The following GPI variants were observed in gnomAD, a reference collection of about 807,000 sequenced individuals.
GPI encodes the protein D-hexose-6-phosphate anomerase.
Under a neutral mutation model 75.8 loss-of-function variants are expected in GPI, and 56 were observed. The ratio of observed to expected loss-of-function variants is 0.74; its 90% confidence interval spans 0.60 to 0.92. GPI has a LOEUF of 0.92. GPI is among the 40% of genes least tolerant of loss of function. The pLI, the probability that GPI is intolerant of heterozygous loss-of-function variation, is 0.00. For synonymous variants in GPI, 288 were observed against 285.4 expected (o/e 1.01, Z -0.09); for missense variants, 638 against 741.0 (o/e 0.86, Z 1.61).
In GPI at chr19:34,401,183, A is replaced by G. The variant is rs896009235; in HGVS notation, c.*1147A>G. ...AGTTGAGACTACAGGTTGTACCACTATGCCCTGCTAGTTTTTTCATTTTTT... is the reference window on the plus strand; with the variant it reads ...AGTTGAGACTACAGGTTGTACCACTGTGCCCTGCTAGTTTTTTCATTTTTT... On this transcript the variant is annotated 3_prime_UTR_variant, in exon 18 of 18. Coordinates refer to ENST00000356487, the MANE Select transcript of GPI (RefSeq NM_000175.5). The G allele has an allele frequency of 1.3e-5, 2 of 150,552 alleles. No homozygotes were observed. Among genetic ancestry groups the G allele is most frequent in the African/African-American group, 4.9e-5 (2 of 40,794 alleles). The allele number at this position is 150,552 out of a possible 1,614,324, so 9.3% of individuals were successfully genotyped here. A position where few individuals can be genotyped will look rare whatever the true frequency, so the allele number is the denominator to read the frequency against.
Position 34,394,021 on chromosome 19 carries a change from G to C in GPI, c.1017G>C (p.Leu339=), listed in dbSNP as rs766020406. 6.2e-7 allele frequency: 1 copy of C among 1,613,162 alleles called. No individual in the cohort carries two copies. The highest frequency in any genetic ancestry group is 1.1e-5 in the South Asian group (1 of 91,078). ...NCFGCETHAM[L]PYDQYLHRFA... ...TTGGGTGTGAGACACACGCCATGCT[G>C]CCCTATGACCAGTACCTGCACCGCT... is the stretch of plus-strand genomic sequence containing the variant. Residue 339 remains leucine (L), a synonymous_variant, in exon 12 of 18, where the codon CTG becomes CTC. Coordinates refer to ENST00000356487, the MANE Select transcript of GPI (RefSeq NM_000175.5).
chr19:34,366,323 C>A (rs776102729), intron 1 of GPI, 22 bp from the exon 2 acceptor site: 1 of 1,488,830 alleles, frequency 6.7e-7, no homozygotes, highest in Admixed American at 1.7e-5. Flanking sequence ...GTGTGGTCAG[C>A]AGCATCTCCA....
intron 4 of GPI, among the ~76,000 whole-genome samples, chr19:34,377,077 CAGATCACAGGGTCAGG>C (rs2074548810): frequency 6.6e-6 from 1 of 151,204 alleles, no homozygotes; most frequent in African/African-American, 2.4e-5. Flanking sequence ...CTGAGGCGGG[CAGATCACAGGGTCAGG>C]AGATCGAGAC....
At chr19:34,390,464 G>C (rs1210253423) in intron 9 of GPI, among the ~76,000 whole-genome samples, 1 of 151,716 alleles carries the variant, frequency 6.6e-6, no homozygotes, top group Non-Finnish European at 1.5e-5. Flanking sequence ...GCCTGGTACA[G>C]GTATGTGGTG....
intron 14 of GPI, among the ~76,000 whole-genome samples, chr19:34,397,111 A>G (rs1599858171): frequency 6.6e-6 from 1 of 152,048 alleles, no homozygotes; most frequent in African/African-American, 2.4e-5. Flanking sequence ...TTCCTGGGCT[A>G]TCTGAAGAGT....
chr19:34,365,466 G>A lies in GPI; in HGVS notation c.122+78G>A, dbSNP rs764415303. ...ACGCGGGCCTGGGGTCTGGAGGCGG[G>A]GGCAGCGGTGCCCGGGGACCCCAGT... On this transcript the variant is annotated intron_variant, in intron 1 of 17. Transcript: ENST00000356487. 6.7e-4 allele frequency: 1,005 copies of A among 1,510,130 alleles called. 1 individual carries two copies. Among genetic ancestry groups the A allele is most frequent in the Non-Finnish European group, 8.6e-4 (974 of 1,130,640 alleles). The allele number at this position is 1,510,130 out of a possible 1,614,324, so 93.5% of individuals were successfully genotyped here. A position where few individuals can be genotyped will look rare whatever the true frequency, so the allele number is the denominator to read the frequency against.
intron 1 of GPI, chr19:34,366,009 C>A: frequency 1.8e-6 from 1 of 562,096 alleles, no homozygotes; most frequent in South Asian, 1.5e-5. Context: ...CTAGACGTCC[C>A]GATGGCCATC....
chr19:34,372,187 T>C (rs1430193220), intron 4 of GPI, among the ~76,000 whole-genome samples: 2 of 152,130 alleles, frequency 1.3e-5, no homozygotes, highest in African/African-American at 2.4e-5. Flanking sequence ...CACCTTGGCC[T>C]CCCAGAGTCC....
intron 6 of GPI, 61 bp from the exon 7 acceptor site, chr19:34,378,873 G>T (rs2074594521): frequency 7.8e-7 from 1 of 1,282,834 alleles, no homozygotes; most frequent in African/African-American, 1.5e-5. Context: ...GCTGAACCCT[G>T]GCTCAAGGCC....
At position 34,400,439 on chromosome 19, in the gene GPI, A is replaced by G; in HGVS notation, c.*403A>G. On this transcript the variant is annotated 3_prime_UTR_variant, in exon 18 of 18. Transcript: ENST00000356487. ...TGTGCCTCTGCGGACACTTAACACTAAGTGGTGAGCGGGTCTAGAGTGGAG... is the reference window on the plus strand; with the variant it reads ...TGTGCCTCTGCGGACACTTAACACTGAGTGGTGAGCGGGTCTAGAGTGGAG... 1.7e-6 allele frequency: 1 copy of G among 584,542 alleles called. No individual in the cohort carries two copies. Among genetic ancestry groups the G allele is most frequent in the South Asian group, 2.2e-5 (1 of 45,468 alleles). The allele number at this position is 584,542 out of a possible 1,614,324, so 36.2% of individuals were successfully genotyped here.
At chr19:34,368,045 G>A (rs953272175) in intron 3 of GPI, among the ~76,000 whole-genome samples, 14 of 152,104 alleles carry the variant, frequency 9.2e-5, no homozygotes, top group African/African-American at 3.4e-4. Flanking sequence ...TCAGATTCCT[G>A]AGTAGCTGGA....
chr19:34,364,384 CTT>C (rs555720207), upstream of GPI, among the ~76,000 whole-genome samples: 9 of 139,308 alleles, frequency 6.5e-5, no homozygotes, highest in Non-Finnish European at 7.9e-5. Context: ...CTGACCTCAT[CTT>C]TTTTTTTTTT....
At chr19:34,367,402 A>C (rs752149717) in intron 3 of GPI, among the ~76,000 whole-genome samples, 1 of 152,192 alleles carries the variant, frequency 6.6e-6, no homozygotes, top group Non-Finnish European at 1.5e-5. Context: ...CTTATCTAAG[A>C]TGTCATAGCT....
chr19:34,364,967 A>G (rs1409833074), upstream of GPI: 4 of 1,527,684 alleles, frequency 2.6e-6, no homozygotes, highest in East Asian at 9.9e-5. Context: ...GGCTCTGCCC[A>G]CCCTCCCCAC....
Position 34,366,367 on chromosome 19 carries a change from G to A in GPI, c.145G>A (p.Gly49Arg). The A allele has an allele frequency of 6.2e-7, 1 of 1,612,516 alleles. No homozygotes were observed. The highest frequency in any genetic ancestry group is 1.1e-5 in the South Asian group (1 of 91,044). The change falls in exon 2 of 18, where the codon GGG becomes AGG. Residue 49 changes from glycine to arginine, a missense_variant. By Grantham distance (125) the Gly-to-Arg change is moderately radical (BLOSUM62 -2). Coordinates refer to ENST00000356487, the MANE Select transcript of GPI (RefSeq NM_000175.5). ...HFSLTLNTNHGHILVDYSKNL... is the reference protein window; with the variant it reads ...HFSLTLNTNHRHILVDYSKNL... Reference sequence around the variant, plus strand: ...CAGCTTGACCCTCAACACCAACCATGGGCATATCCTGGTGGATTACTCCAA... The same window carrying A: ...CAGCTTGACCCTCAACACCAACCATAGGCATATCCTGGTGGATTACTCCAA...
intron 15 of GPI, 88 bp from the exon 16 acceptor site, chr19:34,399,468 G>A (rs763119393): frequency 1.9e-5 from 30 of 1,556,954 alleles, no homozygotes; most frequent in Non-Finnish European, 2.6e-5. Flanking sequence ...AGACCTGCAC[G>A]TCTCAGCCTC....
At chr19:34,383,282 G>A (rs575896707) in intron 9 of GPI, among the ~76,000 whole-genome samples, 1 of 152,350 alleles carries the variant, frequency 6.6e-6, no homozygotes, top group African/African-American at 2.4e-5. Flanking sequence ...GAGGAGCCAG[G>A]ACAGGAGAGG....
intron 9 of GPI, among the ~76,000 whole-genome samples, chr19:34,385,093 A>C (rs1156434436): frequency 6.6e-6 from 1 of 151,212 alleles, no homozygotes; most frequent in Non-Finnish European, 1.5e-5. Flanking sequence ...TAATCCCAGC[A>C]CTTTGGGAGG....
At position 34,399,923 on chromosome 19, in the gene GPI, G is replaced by A; in HGVS notation, c.1564G>A (p.Ala522Thr). 6.2e-7 allele frequency: 1 copy of A among 1,613,984 alleles called. No homozygotes were observed. The highest frequency in any genetic ancestry group is 8.5e-7 in the Non-Finnish European group (1 of 1,180,012). ...CAGAGTGGAGCTGGGAAAGCAGCTG[G>A]CTAAGAAAATAGAGCCTGAGCTTGA... The part of the protein sequence containing the change: ...QWGVELGKQL[A>T]KKIEPELDGS... Residue 522 changes from alanine (A) to threonine (T), a missense_variant, in exon 18 of 18, where the codon GCT (alanine) becomes ACT (threonine). Coordinates refer to ENST00000356487, the MANE Select transcript of GPI (RefSeq NM_000175.5).
Sources: gnomAD v4.1 joint callset for allele counts (sites outside exome capture counted in the v4.1 genomes callset) on GRCh38, gnomAD v4.1.1 for gene constraint, MANE v1.5 for transcripts, NCBI Gene and HGNC (gene_info 2026-07-23, HGNC 2026-07-21) for gene names.